The following EPHA4 variants were observed in gnomAD, a reference collection of about 807,000 sequenced individuals.
The protein encoded by EPHA4 is EPH receptor A4, also known as ephrin type-A receptor 4.
In EPHA4, 19 loss-of-function variants were observed where a neutral mutation model predicts 108.3. That is an observed-to-expected ratio of 0.18 (90% CI 0.12 to 0.26). The LOEUF is 0.26. Among genes scored for constraint, EPHA4 ranks in the 10% least tolerant of loss-of-function variants. EPHA4 has a pLI of 1.00. For synonymous variants in EPHA4, 449 were observed against 455.5 expected, an observed-to-expected ratio of 0.99 and a Z score of 0.18; for missense variants, 917 against 1,254.0, an observed-to-expected ratio of 0.73 and a Z score of 4.06.
intron 14 of EPHA4, among the ~76,000 whole-genome samples, chr2:221,433,512 T>G (rs1189575860): frequency 1.3e-5 from 2 of 152,226 alleles, no homozygotes; most frequent in Admixed American, 6.5e-5. Context: ...TTTTTTTTCT[T>G]TCTTTCTCAC....
chr2:221,429,838 A>G, intron 15 of EPHA4, 120 bp downstream of exon 15: 1 of 1,018,414 alleles, frequency 9.8e-7, no homozygotes, highest in African/African-American at 1.6e-5. Flanking sequence ...GAAGCCACCC[A>G]GGTTGCAGAG....
chr2:221,526,765 C>A (rs1370832968), intron 3 of EPHA4, among the ~76,000 whole-genome samples: 1 of 142,338 alleles, frequency 7.0e-6, no homozygotes, highest in Non-Finnish European at 1.5e-5. Context: ...GAGAATTGCT[C>A]GAACCCGGGA....
At chr2:221,554,361 T>C (rs1694247232) in intron 3 of EPHA4, among the ~76,000 whole-genome samples, 1 of 152,220 alleles carries the variant, frequency 6.6e-6, no homozygotes, top group South Asian at 2.1e-4. Context: ...TGAAATTAGT[T>C]TGAACTCAAG....
At chr2:221,500,668 C>T (rs1452571219) in intron 4 of EPHA4, among the ~76,000 whole-genome samples, 2 of 152,158 alleles carry the variant, frequency 1.3e-5, no homozygotes, top group Non-Finnish European at 2.9e-5. Context: ...CTGCCGTCTA[C>T]CTGTTTCTCC....
intron 3 of EPHA4, among the ~76,000 whole-genome samples, chr2:221,554,919 T>C (rs571273805): frequency 4.1e-4 from 63 of 152,318 alleles, no homozygotes; most frequent in African/African-American, 1.5e-3. Context: ...TTGTATCTTT[T>C]ACTTTACAAT....
chr2:221,549,287 GT>G (rs1694093514), intron 3 of EPHA4, among the ~76,000 whole-genome samples: 1 of 152,156 alleles, frequency 6.6e-6, no homozygotes, highest in Non-Finnish European at 1.5e-5. Context: ...AATTTGTGTG[GT>G]TATGTGAAAA....
chr2:221,463,819 AAG>A (rs1691223457), intron 5 of EPHA4, among the ~76,000 whole-genome samples: 1 of 152,206 alleles, frequency 6.6e-6, no homozygotes, highest in African/African-American at 2.4e-5. Context: ...GGAGAAAAGA[AAG>A]AGAGGAAAGC....
intron 4 of EPHA4, among the ~76,000 whole-genome samples, chr2:221,493,616 T>C (rs1396187758): frequency 6.6e-6 from 1 of 152,206 alleles, no homozygotes; most frequent in East Asian, 1.9e-4. Flanking sequence ...ATCATTTCAT[T>C]ATGGCTCATT....
chr2:221,458,464 G>A (rs1276537081), intron 5 of EPHA4, among the ~76,000 whole-genome samples: 1 of 152,158 alleles, frequency 6.6e-6, no homozygotes, highest in Non-Finnish European at 1.5e-5. Flanking sequence ...GTACTGTAGG[G>A]AATGCCAAAA....
At chr2:221,452,695 A>G (rs1171587747) in intron 8 of EPHA4, among the ~76,000 whole-genome samples, 1 of 132,888 alleles carries the variant, frequency 7.5e-6, no homozygotes, top group Non-Finnish European at 1.6e-5. Flanking sequence ...ACTGTTTATC[A>G]GCCTTGGGAA....
rs757470381 is a variant in EPHA4, at chr2:221,442,821, C to A, written c.2074+8G>T. ...AGCTTGGCTTTGTAAAGGGGGTGAC[C>A]CACGTACATTTAGTGACCACGCCTT... On this transcript the variant is annotated splice_region_variant and intron_variant, in intron 11 of 17. Transcript: ENST00000281821. 1.9e-6 allele frequency: 3 copies of A among 1,613,836 alleles called. No homozygotes were observed. The highest frequency in any genetic ancestry group is 2.5e-6 in the Non-Finnish European group (3 of 1,179,872).
At position 221,564,191 on chromosome 2, in the gene EPHA4, C is replaced by T. The variant is rs752193754; in HGVS notation, c.363G>A (p.Thr121=). ...CTGATTCATAGTAGTACAGGTTAAACGTCTCCTTGCAAGTCCCCATGACGC... is the reference window on the plus strand; with the variant it reads ...CTGATTCATAGTAGTACAGGTTAAATGTCTCCTTGCAAGTCCCCATGACGC... ...LPGVMGTCKE[T]FNLYYYESDN... The change falls in exon 3 of 18, where the codon ACG becomes ACA. Residue 121 remains threonine, a synonymous_variant. Transcript: ENST00000281821. 1.5e-5 allele frequency: 25 copies of T among 1,614,008 alleles called. No homozygotes were observed. In the Admixed American group the frequency reaches 3.0e-4, roughly 19 times the overall value.
At chr2:221,488,917 T>C (rs1692058125) in intron 4 of EPHA4, among the ~76,000 whole-genome samples, 1 of 152,210 alleles carries the variant, frequency 6.6e-6, no homozygotes, top group African/African-American at 2.4e-5. Flanking sequence ...TGGATTAGAC[T>C]AAAATTTAAT....
In EPHA4 at chr2:221,441,120, T is replaced by C. The variant is rs370697206; in HGVS notation, c.2074+1709A>G. Among the ~76,000 whole-genome samples the C allele has an allele frequency of 1.4e-4, 21 of 152,196 alleles. No individual in the cohort carries two copies. In the East Asian group the frequency reaches 3.9e-3, roughly 28 times the overall value. On this transcript the variant is annotated intron_variant, in intron 11 of 17. Coordinates refer to ENST00000281821, the MANE Select transcript of EPHA4 (RefSeq NM_004438.5). ...CCATTTTAGTAACCACCTCATTTCTTCTTCCTAAAGATTTTGTACTTTGTG... is the reference window on the plus strand; with the variant it reads ...CCATTTTAGTAACCACCTCATTTCTCCTTCCTAAAGATTTTGTACTTTGTG...
At chr2:221,498,703 T>A (rs1192203372) in intron 4 of EPHA4, among the ~76,000 whole-genome samples, 2 of 150,168 alleles carry the variant, frequency 1.3e-5, no homozygotes, top group African/African-American at 4.9e-5. Context: ...AGCCTTGACC[T>A]CCCAGGCTCA....
chr2:221,572,442 GC>G (rs1694876446), upstream of EPHA4: 15 of 440,260 alleles, frequency 3.4e-5, no homozygotes, highest in South Asian at 2.3e-4. Context: ...AGCAGGGCCC[GC>G]CCCAGGGTTC....
chr2:221,514,987 A>G (rs1033052058), intron 3 of EPHA4, among the ~76,000 whole-genome samples: 1 of 152,220 alleles, frequency 6.6e-6, no homozygotes, highest in Non-Finnish European at 1.5e-5. Context: ...GTACAAAAAA[A>G]TCTTACTCAT....
At chr2:221,540,981 C>T (rs1693824393) in intron 3 of EPHA4, among the ~76,000 whole-genome samples, 1 of 132,486 alleles carries the variant, frequency 7.5e-6, no homozygotes, top group Admixed American at 8.8e-5. Flanking sequence ...GAGTCTTACT[C>T]TGTCTTCCAG....
chr2:221,485,145 A>G (rs575352057), intron 4 of EPHA4, among the ~76,000 whole-genome samples: 48 of 152,364 alleles, frequency 3.2e-4, no homozygotes, highest in African/African-American at 1.1e-3. Context: ...AAAATGTGAC[A>G]CAATGAATCA....
Sources: gnomAD v4.1 joint callset for allele counts (sites outside exome capture counted in the v4.1 genomes callset) on GRCh38, gnomAD v4.1.1 for gene constraint, MANE v1.5 for transcripts, NCBI Gene and HGNC (gene_info 2026-07-23, HGNC 2026-07-21) for gene names.